CPSF7: variants seen among roughly 807,000 people sequenced by gnomAD.
CPSF7 encodes the protein cleavage and polyadenylation specificity factor subunit 7.
CPSF7 carries 1 observed loss-of-function variant against 44.3 expected under a neutral mutation model. The observed-to-expected ratio is 0.02, with a 90% CI of 0.01 to 0.11. The LOEUF is 0.11. Among genes scored for constraint, CPSF7 ranks in the 10% least tolerant of loss-of-function variants. CPSF7 has a pLI of 1.00. For synonymous variants in CPSF7, 202 were observed against 222.0 expected (o/e 0.91, Z 0.80); for missense variants, 443 against 607.2 (o/e 0.73, Z 2.84).
chr11:61,416,148 C>T lies in CPSF7; in HGVS notation c.895G>A (p.Asp299Asn). The T allele has an allele frequency of 6.6e-7, 1 of 1,510,570 alleles. No individual in the cohort carries two copies. The highest frequency in any genetic ancestry group is 1.4e-5 in the South Asian group (1 of 73,828). 93.6% of individuals were successfully genotyped at this position (1,510,570 alleles called of 1,614,324 possible). Residue 299 changes from aspartate to asparagine, a missense_variant, in exon 6 of 10, where the codon GAT (aspartate) becomes AAT (asparagine). Asp to Asn is a conservative substitution (Grantham distance 23). Transcript: ENST00000439958. The stretch of plus-strand genomic sequence containing the variant: ...GGGGCAGAGGCCTTCATGTAAGTAT[C>T]TGGTGGAGGCCCCACTGTAGCGTTT... The part of the protein sequence containing the change: ...PPNATVGPPP[D>N]TYMKASAPYN...
intron 6 of CPSF7, 104 bp from the exon 7 acceptor site, chr11:61,415,888 C>T: frequency 1.1e-6 from 1 of 918,146 alleles, no homozygotes; most frequent in Non-Finnish European, 1.7e-6. Context: ...CAATGCTAGA[C>T]ATCTGTAGCA....
At chr11:61,420,992 AAC>A (rs1162216309) in intron 3 of CPSF7, 3 of 977,008 alleles carry the variant, frequency 3.1e-6, no homozygotes, top group Non-Finnish European at 4.3e-6. Context: ...CTTGCAGAAC[AAC>A]AGTCACCACC....
chr11:61,419,045 T>TG (rs1860608894), intron 5 of CPSF7, among the ~76,000 whole-genome samples: 1 of 151,276 alleles, frequency 6.6e-6, no homozygotes, highest in African/African-American at 2.4e-5. Flanking sequence ...CCCTCCAAGA[T>TG]GGAGTCTTGC....
chr11:61,418,987 G>C (rs1178413825), intron 5 of CPSF7, among the ~76,000 whole-genome samples: 6 of 151,958 alleles, frequency 3.9e-5, no homozygotes, highest in Middle Eastern at 3.4e-3. Context: ...CAAAGCACTG[G>C]GATTACAGGT....
Position 61,403,897 on chromosome 11 carries a change from G to A in CPSF7, c.*813C>T, listed in dbSNP as rs1859085439. ...ATGTGTTAAATGGAAAAGCCCCAGG[G>A]AAAGGGAACAACTAAGAGCTGGTTA... On this transcript the variant is annotated 3_prime_UTR_variant, in exon 10 of 10. Coordinates refer to ENST00000439958, the MANE Select transcript of CPSF7 (RefSeq NM_001142565.3). 1 of 152,616 alleles carries A rather than the reference G, an allele frequency of 6.6e-6. No individual in the cohort carries two copies. The highest frequency in any genetic ancestry group is 1.5e-5 in the Non-Finnish European group (1 of 68,042). The allele number at this position is 152,616 out of a possible 1,614,324, so 9.5% of individuals were successfully genotyped here. A position where few individuals can be genotyped will look rare whatever the true frequency, so the allele number is the denominator to read the frequency against.
chr11:61,429,719 G>A, intron 1 of CPSF7, 195 bp downstream of exon 1: 1 of 1,531,042 alleles, frequency 6.5e-7, no homozygotes, highest in Non-Finnish European at 8.8e-7. Flanking sequence ...CCTACTCTTC[G>A]CCCCCAGCTA....
chr11:61,419,019 C>G (rs1860604470), intron 5 of CPSF7, among the ~76,000 whole-genome samples: 2 of 151,560 alleles, frequency 1.3e-5, no homozygotes, highest in African/African-American at 4.9e-5. Context: ...TGCCCAGCCC[C>G]TAACTTTTTT....
intron 9 of CPSF7, among the ~76,000 whole-genome samples, chr11:61,404,992 C>T (rs1859175371): frequency 6.6e-6 from 1 of 152,136 alleles, no homozygotes; most frequent in Non-Finnish European, 1.5e-5. Context: ...GAACGTTCGA[C>T]TGAAAAGGAG....
chr11:61,429,506 G>C (rs1167977561), intron 1 of CPSF7: 2 of 536,540 alleles, frequency 3.7e-6, no homozygotes, highest in Non-Finnish European at 6.3e-6. Context: ...GACCCGGGTA[G>C]CGCCGCGTCT....
chr11:61,426,522 A>G (rs762116016), intron 2 of CPSF7: 4 of 152,222 alleles, frequency 2.6e-5, no homozygotes, highest in Non-Finnish European at 5.9e-5. Flanking sequence ...TGTATCTATT[A>G]AAGTCCACAT....
chr11:61,407,658 G>A (rs556331004), intron 9 of CPSF7, among the ~76,000 whole-genome samples: 1 of 152,182 alleles, frequency 6.6e-6, no homozygotes, highest in East Asian at 1.9e-4. Context: ...GGATTTTGTG[G>A]AATAAATGAG....
chr11:61,429,951 G>A lies in CPSF7; in HGVS notation c.-93C>T. 3 of 1,364,772 alleles carry A rather than the reference G, an allele frequency of 2.2e-6. No homozygotes were observed. The highest frequency in any genetic ancestry group is 1.4e-5 in the South Asian group (1 of 72,306). The allele number at this position is 1,364,772 out of a possible 1,614,324, so 84.5% of individuals were successfully genotyped here. The stretch of plus-strand genomic sequence containing the variant: ...GGCGGCGGCGGCGAGTCCGGACTAG[G>A]CCCGAAGCGCGCGAACCGCTCTCCG... On this transcript the variant is annotated 5_prime_UTR_variant, in exon 1 of 10. Transcript: ENST00000439958.
At chr11:61,411,465 ATAGT>A (rs1859840890) in intron 8 of CPSF7, among the ~76,000 whole-genome samples, 1 of 152,222 alleles carries the variant, frequency 6.6e-6, no homozygotes, top group Non-Finnish European at 1.5e-5. Flanking sequence ...GGTCATACAG[ATAGT>A]TAGCAGCAGA....
chr11:61,405,693 A>T (rs1277765427), intron 9 of CPSF7, among the ~76,000 whole-genome samples: 1 of 152,238 alleles, frequency 6.6e-6, no homozygotes, highest in Admixed American at 6.5e-5. Context: ...AACACAGCCT[A>T]CGCACAAATG....
intron 7 of CPSF7, among the ~76,000 whole-genome samples, chr11:61,412,328 GC>G (rs1355206156): frequency 7.1e-6 from 1 of 140,148 alleles, no homozygotes; most frequent in East Asian, 2.1e-4. Context: ...TCACTCTGTT[GC>G]CCAGGCTGGA....
chr11:61,428,260 C>T (rs376241736), intron 2 of CPSF7, among the ~76,000 whole-genome samples: 1 of 152,216 alleles, frequency 6.6e-6, no homozygotes, highest in African/African-American at 2.4e-5. Flanking sequence ...TGGCTCACTG[C>T]AGCCTTGAAT....
At chr11:61,425,395 T>C (rs1382897996) in intron 2 of CPSF7, among the ~76,000 whole-genome samples, 1 of 152,242 alleles carries the variant, frequency 6.6e-6, no homozygotes, top group Non-Finnish European at 1.5e-5. Context: ...TGCACTGATG[T>C]TCAAAGTTTC....
Position 61,402,796 on chromosome 11 carries a change from CAG to C in CPSF7, c.*1912_*1913del, listed in dbSNP as rs1260243075. 1 of 152,524 alleles carries C rather than the reference CAG, an allele frequency of 6.6e-6. No homozygotes were observed. The highest frequency in any genetic ancestry group is 1.5e-5 in the Non-Finnish European group (1 of 68,036). 9.4% of individuals were successfully genotyped at this position (152,524 alleles called of 1,614,324 possible). A position where few individuals can be genotyped will look rare whatever the true frequency, so the allele number is the denominator to read the frequency against. ...AGAAAGACAAACAAATCACCGACAA[CAG>C]GGGGACGGGACCTTGGCCTTTTTGA... On this transcript the variant is annotated 3_prime_UTR_variant, in exon 10 of 10. Transcript: ENST00000439958.
chr11:61,429,857 T>C (rs1165120166), intron 1 of CPSF7, 57 bp downstream of exon 1: 1 of 1,541,902 alleles, frequency 6.5e-7, no homozygotes, highest in African/African-American at 1.4e-5. Context: ...CCCGCCTCAG[T>C]GCCGGCCCGG....
Sources: gnomAD v4.1 joint callset for allele counts (sites outside exome capture counted in the v4.1 genomes callset) on GRCh38, gnomAD v4.1.1 for gene constraint, MANE v1.5 for transcripts, NCBI Gene and HGNC (gene_info 2026-07-23, HGNC 2026-07-21) for gene names.